The following UBE3C variants were observed in gnomAD, a reference collection of about 807,000 sequenced individuals.
UBE3C encodes the protein ubiquitin protein ligase E3C.
Under a neutral mutation model 129.4 loss-of-function variants are expected in UBE3C, and 42 were observed. The ratio of observed to expected loss-of-function variants is 0.32; its 90% CI spans 0.25 to 0.42. UBE3C has a LOEUF of 0.42. UBE3C is among the 10% of genes least tolerant of loss of function. The pLI is 1.00. For missense variants in UBE3C, 1,049 were observed against 1,319.1 expected, an observed-to-expected ratio of 0.80 and a Z score of 3.17; for synonymous variants, 510 against 492.4, an observed-to-expected ratio of 1.04 and a Z score of -0.47.
chr7:157,152,283 A>G (rs1253370063), intron 1 of UBE3C, among the ~76,000 whole-genome samples: 1 of 152,260 alleles, frequency 6.6e-6, no homozygotes, highest in Non-Finnish European at 1.5e-5. Context: ...TGTAGGCCAC[A>G]CTAAGGCATA....
At chr7:157,186,094 G>A (rs914151351) in intron 9 of UBE3C, among the ~76,000 whole-genome samples, 12 of 152,072 alleles carry the variant, frequency 7.9e-5, no homozygotes, top group African/African-American at 2.9e-4. Context: ...AGAGATTAAG[G>A]TATAAAATAG....
At chr7:157,186,705 G>GT in intron 9 of UBE3C, 129 bp from the exon 10 acceptor site, 1 of 1,023,830 alleles carries the variant, frequency 9.8e-7, no homozygotes, top group South Asian at 1.6e-5. Flanking sequence ...GTACTGTGAT[G>GT]TAGATAATTT....
chr7:157,196,743 T>G (rs187320906), intron 10 of UBE3C, among the ~76,000 whole-genome samples: 362 of 115,808 alleles, frequency 3.1e-3, no homozygotes, highest in Admixed American at 7.1e-3. Context: ...CTGAGGTGGG[T>G]GGATCACCTG....
chr7:157,218,862 C>T (rs193298522), intron 14 of UBE3C, among the ~76,000 whole-genome samples: 55 of 152,206 alleles, frequency 3.6e-4, no homozygotes, highest in African/African-American at 1.0e-3. Context: ...ACTCTGAGTT[C>T]GCAAGGGTGC....
At chr7:157,196,645 T>A (rs1278950839) in intron 10 of UBE3C, among the ~76,000 whole-genome samples, 1 of 152,224 alleles carries the variant, frequency 6.6e-6, no homozygotes, top group African/African-American at 2.4e-5. Flanking sequence ...TTTAAAATGC[T>A]GTTGCTGTTT....
intron 10 of UBE3C, among the ~76,000 whole-genome samples, chr7:157,188,397 AT>A (rs1314590221): frequency 2.0e-5 from 3 of 152,234 alleles, no homozygotes; most frequent in Admixed American, 6.5e-5. Flanking sequence ...ACTGGTGTTT[AT>A]TACCATCGGA....
At chr7:157,244,826 T>A (rs1796435014) in intron 18 of UBE3C, among the ~76,000 whole-genome samples, 1 of 152,232 alleles carries the variant, frequency 6.6e-6, no homozygotes, top group Non-Finnish European at 1.5e-5. Context: ...GTTGAAAAAT[T>A]CGTTACAGGT....
chr7:157,252,449 C>G (rs183131428), intron 19 of UBE3C, among the ~76,000 whole-genome samples: 237 of 152,348 alleles, frequency 1.6e-3, no homozygotes, highest in Admixed American at 3.7e-3. Context: ...CATTCTTAGG[C>G]TTGATGGTTC....
At chr7:157,234,114 T>A (rs1246759560) in intron 18 of UBE3C, among the ~76,000 whole-genome samples, 1 of 30,432 alleles carries the variant, frequency 3.3e-5, no homozygotes, top group Non-Finnish European at 5.5e-5. Context: ...GATAAATGAT[T>A]TGCAAGTATT....
intron 6 of UBE3C, 65 bp from the exon 7 acceptor site, chr7:157,181,453 T>A: frequency 7.0e-7 from 1 of 1,435,726 alleles, no homozygotes. Flanking sequence ...ATTTAAAAAT[T>A]GGCAAGTTTT....
intron 1 of UBE3C, among the ~76,000 whole-genome samples, chr7:157,163,156 C>T (rs930526330): frequency 7.2e-5 from 11 of 152,006 alleles, no homozygotes; most frequent in Non-Finnish European, 1.2e-4. Flanking sequence ...GAGGCCGAGG[C>T]GGGTGGATCA....
At chr7:157,243,015 A>G (rs1278159500) in intron 18 of UBE3C, among the ~76,000 whole-genome samples, 1 of 152,128 alleles carries the variant, frequency 6.6e-6, no homozygotes, top group Non-Finnish European at 1.5e-5. Context: ...AGATTGTGCC[A>G]CTGCTCTCCA....
At chr7:157,140,274 CGCAGAGTGGGTGCTG>C (rs1221559066) in intron 1 of UBE3C, among the ~76,000 whole-genome samples, 3 of 150,002 alleles carry the variant, frequency 2.0e-5, no homozygotes, top group Non-Finnish European at 4.4e-5. Flanking sequence ...AGGCACATAA[CGCAGAGTGGGTGCTG>C]GCAGGCCAAG....
At chr7:157,146,577 C>T (rs1193394286) in intron 1 of UBE3C, among the ~76,000 whole-genome samples, 2 of 152,196 alleles carry the variant, frequency 1.3e-5, no homozygotes, top group African/African-American at 2.4e-5. Flanking sequence ...ATTGATCTCT[C>T]TCCCTTTTGT....
At chr7:157,227,641 A>C (rs969651044) in intron 17 of UBE3C, among the ~76,000 whole-genome samples, 2 of 151,614 alleles carry the variant, frequency 1.3e-5, no homozygotes, top group Admixed American at 6.6e-5. Flanking sequence ...CGGAGGTTGC[A>C]GTGAGCCGAG....
intron 16 of UBE3C, 49 bp from the exon 17 acceptor site, chr7:157,225,358 T>C (rs767122623): frequency 6.4e-7 from 1 of 1,566,570 alleles, no homozygotes; most frequent in Admixed American, 2.2e-5. Context: ...TGGTAGGTTG[T>C]AAGAGGTCTT....
At chr7:157,148,731 C>CT (rs58138213) in intron 1 of UBE3C, among the ~76,000 whole-genome samples, 27,919 of 131,734 alleles carry the variant, frequency 0.21, 5,441 homozygotes, top group African/African-American at 0.53. Flanking sequence ...CAAATTAGTT[C>CT]TTTTTTTTTT....
chr7:157,189,476 G>T (rs1223027751), intron 10 of UBE3C, among the ~76,000 whole-genome samples: 1 of 152,206 alleles, frequency 6.6e-6, no homozygotes, highest in Non-Finnish European at 1.5e-5. Flanking sequence ...GGCTACCAAA[G>T]ATAGCCTGTT....
Position 157,268,694 on chromosome 7 carries a change from C to T in UBE3C, c.*939C>T, listed in dbSNP as rs1797144274. 1 of 152,710 alleles carries T rather than the reference C, an allele frequency of 6.5e-6. No individual in the cohort carries two copies. Among genetic ancestry groups the T allele is most frequent in the African/African-American group, 2.4e-5 (1 of 41,456 alleles). 9.5% of individuals were successfully genotyped at this position (152,710 alleles called of 1,614,324 possible). On this transcript the variant is annotated 3_prime_UTR_variant, in exon 23 of 23. Coordinates refer to ENST00000348165, the MANE Select transcript of UBE3C (RefSeq NM_014671.3). Reference sequence around the variant, plus strand: ...TGTCTTCCTGGATATTTGGGGGTGACTCGCCATGCTTGGCACCCTCTGCTT... The same window carrying T: ...TGTCTTCCTGGATATTTGGGGGTGATTCGCCATGCTTGGCACCCTCTGCTT...
Sources: gnomAD v4.1 joint callset for allele counts (sites outside exome capture counted in the v4.1 genomes callset) on GRCh38, gnomAD v4.1.1 for gene constraint, MANE v1.5 for transcripts, NCBI Gene and HGNC (gene_info 2026-07-23, HGNC 2026-07-21) for gene names.